MAEL: variants seen among roughly 807,000 people sequenced by gnomAD.
MAEL encodes the protein protein maelstrom homolog.
In MAEL, 46 loss-of-function variants were observed where a neutral mutation model predicts 62.0. The observed-to-expected ratio is 0.74, with a 90% CI of 0.59 to 0.95. The LOEUF (loss-of-function observed/expected upper bound fraction) is 0.95. Among genes scored for constraint, MAEL ranks in the 40% least tolerant of loss-of-function variants. MAEL has a pLI of 0.00. For missense variants in MAEL, 497 were observed against 526.8 expected, an observed-to-expected ratio of 0.94 and a Z score of 0.55; for synonymous variants, 172 against 175.5, an observed-to-expected ratio of 0.98 and a Z score of 0.16.
At chr1:167,017,103 T>A (rs1423826293) in intron 9 of MAEL, among the ~76,000 whole-genome samples, 2 of 152,142 alleles carry the variant, frequency 1.3e-5, no homozygotes, top group African/African-American at 4.8e-5. Context: ...CAATAATAAT[T>A]TAATTGTACA....
Position 167,005,091 on chromosome 1 carries a change from A to G in MAEL, c.664A>G (p.Arg222Gly). 2 of 1,613,622 alleles carry G rather than the reference A, an allele frequency of 1.2e-6. No individual in the cohort carries two copies. Among genetic ancestry groups the G allele is most frequent in the East Asian group, 2.2e-5 (1 of 44,860 alleles). ...CTTTCTCCAGTCTGATGATAGAACC[A>G]GAGTCAACTGGTGTTTGAAGCATAT... Reference protein sequence around the residue: ...PIYCKSDDRTRVNWCLKHMAK... With the variant: ...PIYCKSDDRTGVNWCLKHMAK... The change falls in exon 7 of 12, where the codon AGA becomes GGA. Residue 222 changes from arginine (R) to glycine (G), a missense_variant. Arg to Gly is a moderately radical substitution (Grantham distance 125, BLOSUM62 -2). Transcript: ENST00000367872.
chr1:166,982,556 C>T (rs1442459395), intron 1 of MAEL, among the ~76,000 whole-genome samples: 3 of 152,118 alleles, frequency 2.0e-5, no homozygotes, highest in Non-Finnish European at 2.9e-5. Context: ...TTCACTTAAA[C>T]TACCATCAGG....
chr1:166,975,951 A>C (rs1663565297), intron 1 of MAEL, among the ~76,000 whole-genome samples: 1 of 151,926 alleles, frequency 6.6e-6, no homozygotes, highest in Non-Finnish European at 1.5e-5. Flanking sequence ...TACAGGACTT[A>C]ACTAGCAAGT....
chr1:167,020,200 C>G (rs1665565785), intron 10 of MAEL, among the ~76,000 whole-genome samples: 1 of 152,190 alleles, frequency 6.6e-6, no homozygotes, highest in Non-Finnish European at 1.5e-5. Flanking sequence ...ATGTCTCCTC[C>G]TTTACCACCT....
At position 166,979,594 on chromosome 1, in the gene MAEL, C is replaced by G. The variant is rs144910944; in HGVS notation, c.-121+3928C>G. Among the ~76,000 whole-genome samples the G allele has an allele frequency of 8.0e-3, 1,221 of 152,270 alleles. 17 individuals carry two copies. The highest frequency in any genetic ancestry group is 0.019 in the South Asian group (94 of 4,826). ...CAAAACAAAACAAAATCTGAACTGG[C>G]AAGAACAGTGGACACTAGACACCAC... On this transcript the variant is annotated intron_variant, in intron 1 of 12. Coordinates refer to the MAEL transcript ENST00000622874.
chr1:167,004,043 C>A, intron 5 of MAEL, 137 bp from the exon 6 acceptor site: 1 of 695,048 alleles, frequency 1.4e-6, no homozygotes, highest in Non-Finnish European at 2.4e-6. Context: ...ATGTAAAATC[C>A]TTAACAAAAA....
At chr1:167,011,324 G>T (rs973567882) in intron 8 of MAEL, among the ~76,000 whole-genome samples, 1 of 152,094 alleles carries the variant, frequency 6.6e-6, no homozygotes, top group African/African-American at 2.4e-5. Flanking sequence ...TATGCTGTAG[G>T]TGTAGATTTT....
At chr1:167,019,876 ATTAT>A (rs1276660676) in intron 10 of MAEL, among the ~76,000 whole-genome samples, 1 of 151,650 alleles carries the variant, frequency 6.6e-6, no homozygotes, top group Non-Finnish European at 1.5e-5. Flanking sequence ...TTCCATCAGA[ATTAT>A]TTATTTCAAT....
intron 5 of MAEL, among the ~76,000 whole-genome samples, chr1:167,001,452 G>T (rs1664662294): frequency 6.6e-6 from 1 of 152,194 alleles, no homozygotes; most frequent in Non-Finnish European, 1.5e-5. Flanking sequence ...CCAGCAAAAA[G>T]ATTGTTAAGT....
At chr1:166,993,887 C>A (rs2102074084) in intron 4 of MAEL, 141 bp from the exon 5 acceptor site, 1 of 596,716 alleles carries the variant, frequency 1.7e-6, no homozygotes, top group Non-Finnish European at 2.9e-6. Context: ...AAAAATAAAC[C>A]CTATAAAAGT....
chr1:166,978,370 G>C (rs1663657060), intron 1 of MAEL, among the ~76,000 whole-genome samples: 1 of 152,140 alleles, frequency 6.6e-6, no homozygotes, highest in Non-Finnish European at 1.5e-5. Flanking sequence ...AGGTGATGAA[G>C]GGTTAATATA....
intron 5 of MAEL, among the ~76,000 whole-genome samples, chr1:167,003,858 A>C (rs1421513858): frequency 6.6e-6 from 1 of 152,182 alleles, no homozygotes. Flanking sequence ...CAGCATGGGA[A>C]TAGTAAAACA....
chr1:166,991,809 C>T (rs1664186038), intron 3 of MAEL, among the ~76,000 whole-genome samples: 1 of 152,050 alleles, frequency 6.6e-6, no homozygotes, highest in Non-Finnish European at 1.5e-5. Flanking sequence ...GTTTTCAGAT[C>T]TGTTCTACAG....
exon 1 of MAEL, chr1:166,975,602 C>G (rs2102051562): frequency 6.6e-6 from 1 of 152,108 alleles, no homozygotes; most frequent in South Asian, 1.9e-4. Context: ...GCGCCTCCGC[C>G]CCGCCGCCCG....
At chr1:166,985,433 C>A (rs1258352978), upstream of MAEL, among the ~76,000 whole-genome samples, 2 of 152,184 alleles carry the variant, frequency 1.3e-5, no homozygotes, top group East Asian at 3.8e-4. Flanking sequence ...AAAGAACAAC[C>A]TGAAAGGATT....
chr1:166,980,456 GAAGC>G (rs1030366732), intron 1 of MAEL, among the ~76,000 whole-genome samples: 4 of 152,202 alleles, frequency 2.6e-5, no homozygotes, highest in South Asian at 2.1e-4. Context: ...AGAAAGGAGA[GAAGC>G]AAGGAGAAGG....
intron 8 of MAEL, among the ~76,000 whole-genome samples, chr1:167,013,799 A>G (rs1320813319): frequency 6.6e-6 from 1 of 152,168 alleles, no homozygotes; most frequent in Non-Finnish European, 1.5e-5. Flanking sequence ...AAAGCAGACA[A>G]GAGAGATGTT....
At chr1:167,016,201 A>G in intron 8 of MAEL, 21 bp from the exon 9 acceptor site, 4 of 1,609,380 alleles carry the variant, frequency 2.5e-6, no homozygotes, top group East Asian at 2.2e-5. Context: ...TTAGGATATT[A>G]AAGTCCATTT....
chr1:166,997,590 CTG>C (rs1181631200), intron 5 of MAEL, among the ~76,000 whole-genome samples: 4 of 152,130 alleles, frequency 2.6e-5, no homozygotes, highest in African/African-American at 4.8e-5. Flanking sequence ...AGCATGATGG[CTG>C]TTCACAGATG....
Sources: gnomAD v4.1 joint callset for allele counts (sites outside exome capture counted in the v4.1 genomes callset) on GRCh38, gnomAD v4.1.1 for gene constraint, MANE v1.5 for transcripts, NCBI Gene and HGNC (gene_info 2026-07-23, HGNC 2026-07-21) for gene names.